The following MYH8 variants were observed in gnomAD, a reference collection of about 807,000 sequenced individuals.
The protein encoded by MYH8 is myosin heavy chain 8.
MYH8 carries 168 observed loss-of-function variants against 233.2 expected under a neutral mutation model. The observed-to-expected ratio is 0.72, with a 90% CI of 0.64 to 0.82. The LOEUF is 0.82. Among genes scored for constraint, MYH8 ranks in the 40% least tolerant of loss-of-function variants. The probability of loss-of-function intolerance (pLI) is 0.00; values close to 1 mark genes in which losing one functional copy is unlikely to be tolerated. For missense variants in MYH8, 1,995 were observed against 2,327.8 expected, an observed-to-expected ratio of 0.86 and a Z score of 2.94; for synonymous variants, 785 against 850.6, an observed-to-expected ratio of 0.92 and a Z score of 1.34.
Position 10,400,576 on chromosome 17 carries a change from C to T in MYH8, c.3549G>A (p.Glu1183=), listed in dbSNP as rs1167891126. The change falls in exon 27 of 40, where the codon GAG becomes GAA. Residue 1183 remains glutamate (E), a synonymous_variant. Coordinates refer to ENST00000403437, the MANE Select transcript of MYH8 (RefSeq NM_002472.3). This position sits in a 1 kb window ranked among gnomAD's most constrained non-coding sequence, Gnocchi z 4.0. ...CCATAGCTTCATGCTGCAGGGTGGC[C>T]TCCTCCAGGTCCCTGCGCAGTTTCT... ...EFQKLRRDLE[E]ATLQHEAMVA... The T allele has an allele frequency of 4.3e-6, 7 of 1,614,096 alleles. No individual in the cohort carries two copies. In the Admixed American group the frequency reaches 1.2e-4, roughly 27 times the overall value.
At position 10,404,538 on chromosome 17, in the gene MYH8, A is replaced by C. The variant is rs867870408; in HGVS notation, c.2480T>G (p.Val827Gly). 2 of 1,613,862 alleles carry C rather than the reference A, an allele frequency of 1.2e-6. No individual in the cohort carries two copies. The highest frequency in any genetic ancestry group is 1.7e-6 in the Non-Finnish European group (2 of 1,179,910). ...IQYNVRAFMNVKHWPWMKLFF... is the reference protein window; with the variant it reads ...IQYNVRAFMNGKHWPWMKLFF... The stretch of plus-strand genomic sequence containing the variant: ...GAGTTTCATCCAGGGCCAGTGCTTG[A>C]CGTTCATGAAGGCACGGACATTATA... Residue 827 changes from valine to glycine, a missense_variant, in exon 22 of 40, where the codon GTC (valine) becomes GGC (glycine). Coordinates refer to ENST00000403437, the MANE Select transcript of MYH8 (RefSeq NM_002472.3).
chr17:10,418,099 T>A (rs150968685), intron 5 of MYH8, among the ~76,000 whole-genome samples: 1 of 152,338 alleles, frequency 6.6e-6, no homozygotes, highest in African/African-American at 2.4e-5. Flanking sequence ...CAGAAAAGAT[T>A]TTTTCCTTTC....
intron 15 of MYH8, among the ~76,000 whole-genome samples, chr17:10,409,953 T>C (rs1331087920): frequency 6.6e-6 from 1 of 152,232 alleles, no homozygotes; most frequent in African/African-American, 2.4e-5. Flanking sequence ...ATGCAGTAAT[T>C]AAACAGTATA....
At position 10,396,466 on chromosome 17, in the gene MYH8, C is replaced by T; in HGVS notation, c.4529-12G>A. 4 of 1,614,000 alleles carry T rather than the reference C, an allele frequency of 2.5e-6. No homozygotes were observed. The highest frequency in any genetic ancestry group is 1.6e-4 in the Middle Eastern group (1 of 6,062). Reference sequence around the variant, plus strand: ...GTCAGAAATCTCCTCTGTGGTTGAACAGACAGGAGAGAAATGGTCAGAAAG... The same window carrying T: ...GTCAGAAATCTCCTCTGTGGTTGAATAGACAGGAGAGAAATGGTCAGAAAG... On this transcript the variant is annotated splice_polypyrimidine_tract_variant and intron_variant, in intron 32 of 39. Transcript: ENST00000403437. The surrounding 1 kb of genome is among the most constrained non-coding windows in gnomAD (Gnocchi z 4.2).
At chr17:10,391,445 C>T (rs1038931393) in intron 39 of MYH8, among the ~76,000 whole-genome samples, 12 of 151,970 alleles carry the variant, frequency 7.9e-5, no homozygotes, top group African/African-American at 7.3e-5. Flanking sequence ...TTTGGGAGGC[C>T]GAGGTGGGTG....
intron 22 of MYH8, among the ~76,000 whole-genome samples, chr17:10,402,121 G>T (rs1268442183): frequency 6.6e-6 from 1 of 152,010 alleles, no homozygotes; most frequent in Non-Finnish European, 1.5e-5. Flanking sequence ...ATGACTTTGG[G>T]CAAATTGCTT....
chr17:10,413,879 C>T, intron 12 of MYH8, 23 bp downstream of exon 12: 1 of 1,613,858 alleles, frequency 6.2e-7, no homozygotes, highest in Non-Finnish European at 8.5e-7. Context: ...CTCATTAAAC[C>T]CAGATAAAGT....
rs184394419 is a variant in MYH8, at chr17:10,413,431, C to G, written c.1147+471G>C. On this transcript the variant is annotated intron_variant, in intron 12 of 39. Coordinates refer to ENST00000403437, the MANE Select transcript of MYH8 (RefSeq NM_002472.3). ...TTTTTCTCAATTCCTTTTTTTAACTCTTACTTGCTGCCTATATTGTCTATG... is the reference window on the plus strand; with the variant it reads ...TTTTTCTCAATTCCTTTTTTTAACTGTTACTTGCTGCCTATATTGTCTATG... 4.6e-3 allele frequency among the ~76,000 whole-genome samples: 697 copies of G among 152,212 alleles called. 10 individuals carry two copies. The Middle Eastern group carries it at 0.051, about 11-fold the overall frequency.
intron 22 of MYH8, among the ~76,000 whole-genome samples, chr17:10,403,839 G>T (rs1166947694): frequency 6.6e-6 from 1 of 152,160 alleles, no homozygotes; most frequent in Non-Finnish European, 1.5e-5. Flanking sequence ...ATCAGAGGAA[G>T]AATCAGGAGG....
Position 10,396,767 on chromosome 17 carries a change from G to C in MYH8, c.4362+36C>G. The stretch of plus-strand genomic sequence containing the variant: ...TGATCCAAGGAGAAAGGAAGACCGA[G>C]TAAAACACTCTTAAAGTTTAAGCAG... On this transcript the variant is annotated intron_variant, in intron 31 of 39. Transcript: ENST00000403437. The surrounding 1 kb of genome is among the most constrained non-coding windows in gnomAD (Gnocchi z 4.2). The C allele has an allele frequency of 6.2e-7, 1 of 1,614,210 alleles. No homozygotes were observed. The highest frequency in any genetic ancestry group is 8.5e-7 in the Non-Finnish European group (1 of 1,180,042).
At chr17:10,394,158 C>T in intron 35 of MYH8, 91 bp downstream of exon 35, 6 of 1,514,542 alleles carry the variant, frequency 4.0e-6, no homozygotes, top group Admixed American at 3.4e-5. Flanking sequence ...TGTTTACATA[C>T]ACATATTTAT....
chr17:10,419,992 A>G lies in MYH8; in HGVS notation c.210+26T>C, dbSNP rs2072322107. The G allele has an allele frequency of 5.6e-6, 9 of 1,605,520 alleles. No homozygotes were observed. Among genetic ancestry groups the G allele is most frequent in the Non-Finnish European group, 7.7e-6 (9 of 1,172,500 alleles). On this transcript the variant is annotated intron_variant, in intron 3 of 39. Transcript: ENST00000403437. This position sits in a 1 kb window ranked among gnomAD's most constrained non-coding sequence, Gnocchi z 4.0. The stretch of plus-strand genomic sequence containing the variant: ...TTTTGAACCAAGAAATAAAATGGGG[A>G]GTATTTTCTCCCTGTTTTCACTTAC...
rs2072085657 is a variant in MYH8, at chr17:10,396,991, A to G, written c.4179-5T>C. On this transcript the variant is annotated splice_polypyrimidine_tract_variant and splice_region_variant and intron_variant, in intron 30 of 39. Transcript: ENST00000403437. The surrounding 1 kb of genome is among the most constrained non-coding windows in gnomAD (Gnocchi z 4.2). Reference sequence around the variant, plus strand: ...AGGCGCTGGGCCAACTTTTTCCTGAAAAGTTAGCCAGGCAGTCAGGAGAAT... The same window carrying G: ...AGGCGCTGGGCCAACTTTTTCCTGAGAAGTTAGCCAGGCAGTCAGGAGAAT... 6.2e-6 allele frequency: 10 copies of G among 1,614,180 alleles called. No individual in the cohort carries two copies. The highest frequency in any genetic ancestry group is 8.5e-6 in the Non-Finnish European group (10 of 1,180,014).
At position 10,393,069 on chromosome 17, in the gene MYH8, C is replaced by G; in HGVS notation, c.5292+16G>C. On this transcript the variant is annotated intron_variant, in intron 36 of 39. Coordinates refer to ENST00000403437, the MANE Select transcript of MYH8 (RefSeq NM_002472.3). The stretch of plus-strand genomic sequence containing the variant: ...AGCAGGTGCATACGTGTCAGTAGGC[C>G]AAATGTTCATCTTACATCAGTGATG... The G allele has an allele frequency of 6.2e-7, 1 of 1,614,162 alleles. No homozygotes were observed. The highest frequency in any genetic ancestry group is 8.5e-7 in the Non-Finnish European group (1 of 1,180,024).
rs1405079124 is a variant in MYH8, at chr17:10,415,144, C to T, written c.777G>A (p.Gly259=). 6.2e-7 allele frequency: 1 copy of T among 1,613,408 alleles called. No individual in the cohort carries two copies. The highest frequency in any genetic ancestry group is 8.5e-7 in the Non-Finnish European group (1 of 1,179,452). Residue 259 remains glycine (G), a synonymous_variant, in exon 9 of 40, where the codon GGG becomes GGA. Coordinates refer to ENST00000403437, the MANE Select transcript of MYH8 (RefSeq NM_002472.3). The surrounding 1 kb of genome is among the most constrained non-coding windows in gnomAD (Gnocchi z 4.1). ...TTTCTATATCAGCAGATGCCAGCTT[C>T]CCTGTAGTACCAAAGTGGATTCTAA... ...KFIRIHFGTT[G]KLASADIETY... is the part of the protein sequence containing the mutation.
intron 33 of MYH8, 135 bp from the exon 34 acceptor site, chr17:10,395,576 C>A: frequency 2.3e-6 from 2 of 866,118 alleles, no homozygotes; most frequent in Non-Finnish European, 3.6e-6. Flanking sequence ...TGGGAATCTT[C>A]TAGGTAAATC....
intron 12 of MYH8, among the ~76,000 whole-genome samples, chr17:10,413,700 T>C (rs543021155): frequency 7.2e-4 from 110 of 152,262 alleles, no homozygotes; most frequent in African/African-American, 2.5e-3. Context: ...GGTTTGTTTG[T>C]GACTTATTTG....
Position 10,419,993 on chromosome 17 carries a change from G to A in MYH8, c.210+25C>T. ...TTTGAACCAAGAAATAAAATGGGGAGTATTTTCTCCCTGTTTTCACTTACT... is the reference window on the plus strand; with the variant it reads ...TTTGAACCAAGAAATAAAATGGGGAATATTTTCTCCCTGTTTTCACTTACT... On this transcript the variant is annotated intron_variant, in intron 3 of 39. Coordinates refer to ENST00000403437, the MANE Select transcript of MYH8 (RefSeq NM_002472.3). The surrounding 1 kb of genome is among the most constrained non-coding windows in gnomAD (Gnocchi z 4.0). 1 of 1,608,312 alleles carries A rather than the reference G, an allele frequency of 6.2e-7. No homozygotes were observed. The highest frequency in any genetic ancestry group is 8.5e-7 in the Non-Finnish European group (1 of 1,174,934).
rs762582586 is a variant in MYH8, at chr17:10,406,744, C to CGGAT, written c.2113_2116dup (p.Arg706HisfsTer5). 3 of 1,614,140 alleles carry CGGAT rather than the reference C, an allele frequency of 1.9e-6. No individual in the cohort carries two copies. In the South Asian group the frequency reaches 3.3e-5, roughly 18 times the overall value. ...GCTTGGGAATCCTTTCCTACAGATG[C>CGGAT]GGATGCCTTCCAGCACACCATTACA... On this transcript the variant is annotated frameshift_variant, in exon 19 of 40. Coordinates refer to ENST00000403437, the MANE Select transcript of MYH8 (RefSeq NM_002472.3). LOFTEE classifies it high-confidence loss of function.
Sources: gnomAD v4.1 joint callset for allele counts (sites outside exome capture counted in the v4.1 genomes callset) on GRCh38, gnomAD v4.1.1 for gene constraint, Gnocchi (gnomAD v3.1) non-coding constraint, MANE v1.5 for transcripts, NCBI Gene and HGNC (gene_info 2026-07-23, HGNC 2026-07-21) for gene names.